Variants in GRIK2 observed in about 807,000 individuals in gnomAD.
GRIK2 encodes the protein glutamate receptor ionotropic, kainate 2.
A neutral mutation model predicts 100.3 loss-of-function variants in GRIK2; 32 were observed. The ratio of observed to expected loss-of-function variants is 0.32; its 90% CI spans 0.24 to 0.43. The LOEUF is 0.43. Ranked by LOEUF, GRIK2 falls within the 20% of genes least tolerant of loss-of-function variation. The pLI, the probability that GRIK2 is intolerant of heterozygous loss-of-function variation, is 1.00. For missense variants in GRIK2, 843 were observed against 1,114.9 expected, an observed-to-expected ratio of 0.76 and a Z score of 3.47; for synonymous variants, 417 against 389.4, an observed-to-expected ratio of 1.07 and a Z score of -0.83.
chr6:101,695,607 A>G (rs1204989322), intron 7 of GRIK2, among the ~76,000 whole-genome samples: 2 of 152,130 alleles, frequency 1.3e-5, no homozygotes, highest in Non-Finnish European at 2.9e-5. Context: ...CAGTATTAAT[A>G]GGATAAGCAT....
intron 2 of GRIK2, among the ~76,000 whole-genome samples, chr6:101,561,070 C>G (rs564172306): frequency 4.3e-4 from 65 of 152,178 alleles, no homozygotes; most frequent in African/African-American, 1.6e-3. Context: ...AAACATAGAC[C>G]CCAGCAGCAG....
At chr6:102,016,148 C>G (rs1475170299) in intron 14 of GRIK2, among the ~76,000 whole-genome samples, 2 of 152,078 alleles carry the variant, frequency 1.3e-5, no homozygotes, top group Non-Finnish European at 2.9e-5. Flanking sequence ...CTTAACTGGG[C>G]TGAGATTGCT....
intron 10 of GRIK2, among the ~76,000 whole-genome samples, chr6:101,838,088 A>G (rs1437919354): frequency 6.6e-6 from 1 of 152,196 alleles, no homozygotes; most frequent in Non-Finnish European, 1.5e-5. Context: ...TCACAGGGAC[A>G]CAGAGAAGAA....
intron 7 of GRIK2, among the ~76,000 whole-genome samples, chr6:101,726,283 G>C (rs1774859074): frequency 2.0e-5 from 3 of 152,002 alleles, no homozygotes; most frequent in African/African-American, 2.4e-5. Context: ...AGACTTGCTA[G>C]TGCAAAGATA....
At chr6:101,705,723 C>G (rs1034616543) in intron 7 of GRIK2, among the ~76,000 whole-genome samples, 7 of 151,856 alleles carry the variant, frequency 4.6e-5, no homozygotes, top group African/African-American at 1.7e-4. Context: ...AAACAGCAAT[C>G]ATTTATAATT....
intron 14 of GRIK2, among the ~76,000 whole-genome samples, chr6:101,994,430 T>C (rs1794543660): frequency 6.6e-6 from 1 of 151,986 alleles, no homozygotes; most frequent in East Asian, 1.9e-4. Context: ...ATAATTTGTT[T>C]TTCTCTTGCT....
chr6:101,500,559 G>A (rs142445212), intron 2 of GRIK2, among the ~76,000 whole-genome samples: 3 of 152,090 alleles, frequency 2.0e-5, no homozygotes, highest in Non-Finnish European at 4.4e-5. Context: ...AAAGTTTTCG[G>A]TCTCTAATTA....
At chr6:101,791,763 G>T (rs566646959) in intron 7 of GRIK2, among the ~76,000 whole-genome samples, 1 of 152,014 alleles carries the variant, frequency 6.6e-6, no homozygotes, top group East Asian at 1.9e-4. Context: ...GGGTATCCTT[G>T]TTAACTTTCT....
Position 101,658,059 on chromosome 6 carries a change from T to A in GRIK2, c.542-18564T>A, listed in dbSNP as rs548545884. 1.5e-4 allele frequency among the ~76,000 whole-genome samples: 23 copies of A among 152,266 alleles called. No homozygotes were observed. In the East Asian group the frequency reaches 2.5e-3, roughly 17 times the overall value. On this transcript the variant is annotated intron_variant, in intron 4 of 16. Transcript: ENST00000369134. The stretch of plus-strand genomic sequence containing the variant: ...ATCTCTTTTTTAAAATTTATTAATT[T>A]ATTTATTTTATTATACTTTAAGTTC...
intron 4 of GRIK2, among the ~76,000 whole-genome samples, chr6:101,669,625 A>G (rs1398620136): frequency 2.0e-5 from 3 of 152,148 alleles, no homozygotes; most frequent in African/African-American, 7.2e-5. Flanking sequence ...ACCCACAGAA[A>G]TAAATATATA....
intron 14 of GRIK2, among the ~76,000 whole-genome samples, chr6:101,958,989 A>G (rs9498765): frequency 6.6e-6 from 1 of 151,820 alleles, no homozygotes; most frequent in Non-Finnish European, 1.5e-5. Flanking sequence ...ATAGTTTTCT[A>G]TTTTTGTGGT....
intron 7 of GRIK2, among the ~76,000 whole-genome samples, chr6:101,741,580 A>G (rs9399726): frequency 0.098 from 14,939 of 152,164 alleles, 857 homozygotes; most frequent in South Asian, 0.2. Context: ...ATCAGTGGAA[A>G]CGTATGGAAA....
intron 2 of GRIK2, among the ~76,000 whole-genome samples, chr6:101,561,428 T>C (rs1014267419): frequency 6.6e-6 from 1 of 152,020 alleles, no homozygotes; most frequent in Non-Finnish European, 1.5e-5. Flanking sequence ...GATATAAAAA[T>C]ACAATTAGAT....
chr6:101,616,624 A>G (rs1779907259), intron 2 of GRIK2, among the ~76,000 whole-genome samples: 2 of 151,818 alleles, frequency 1.3e-5, no homozygotes, highest in South Asian at 4.1e-4. Context: ...ACATCCTTGC[A>G]GCTAAATCAG....
At chr6:101,922,141 C>T (rs6920973) in intron 12 of GRIK2, among the ~76,000 whole-genome samples, 12,114 of 55,948 alleles carry the variant, frequency 0.22, 2,072 homozygotes, top group African/African-American at 0.35. Flanking sequence ...CCTTCCTTCC[C>T]TCCCTTCCTC....
At chr6:101,714,823 G>A (rs1179983486) in intron 7 of GRIK2, among the ~76,000 whole-genome samples, 1 of 151,506 alleles carries the variant, frequency 6.6e-6, no homozygotes, top group Non-Finnish European at 1.5e-5. Context: ...CAAATCAGAG[G>A]AATTAATTTT....
chr6:101,611,882 C>G (rs926353806), intron 2 of GRIK2, among the ~76,000 whole-genome samples: 1 of 151,790 alleles, frequency 6.6e-6, no homozygotes, highest in Admixed American at 6.6e-5. Context: ...CATTTAGGCA[C>G]TCACCAACTT....
chr6:102,037,002 G>A (rs1158800255), intron 15 of GRIK2, among the ~76,000 whole-genome samples: 1 of 150,932 alleles, frequency 6.6e-6, no homozygotes, highest in Non-Finnish European at 1.5e-5. Flanking sequence ...ATTGATTTCT[G>A]GCAACTCTGA....
At chr6:102,052,525 T>C (rs1771253206) in intron 15 of GRIK2, among the ~76,000 whole-genome samples, 1 of 152,194 alleles carries the variant, frequency 6.6e-6, no homozygotes, top group Non-Finnish European at 1.5e-5. Flanking sequence ...TGCTGAAAAG[T>C]AGGTTGCTTT....
Sources: gnomAD v4.1 joint callset for allele counts (sites outside exome capture counted in the v4.1 genomes callset) on GRCh38, gnomAD v4.1.1 for gene constraint, MANE v1.5 for transcripts, NCBI Gene and HGNC (gene_info 2026-07-23, HGNC 2026-07-21) for gene names.